Variants in SLCO1B3 observed in about 807,000 individuals in gnomAD.
SLCO1B3 encodes solute carrier organic anion transporter family member 1B3.
SLCO1B3 carries 72 observed loss-of-function variants against 71.8 expected under a neutral mutation model. The ratio of observed to expected loss-of-function variants is 1.00; its 90% CI spans 0.83 to 1.22. The LOEUF is 1.22. Ranked by LOEUF, SLCO1B3 falls within the 50% of genes most tolerant of loss-of-function variation. The probability of loss-of-function intolerance (pLI) is 0.00; values close to 1 mark genes in which losing one functional copy is unlikely to be tolerated. For missense variants in SLCO1B3, 911 were observed against 819.7 expected, an observed-to-expected ratio of 1.11 and a Z score of -1.36; for synonymous variants, 298 against 278.4, an observed-to-expected ratio of 1.07 and a Z score of -0.70.
chr12:20,828,208 A>G (rs1231105236), intron 3 of SLCO1B3, among the ~76,000 whole-genome samples: 1 of 151,538 alleles, frequency 6.6e-6, no homozygotes, highest in Admixed American at 6.6e-5. Context: ...TTTACGGTGC[A>G]CTTGGCTACA....
chr12:20,912,392 C>T (rs1035588818), intron 15 of SLCO1B3, among the ~76,000 whole-genome samples: 4 of 150,796 alleles, frequency 2.7e-5, no homozygotes, highest in East Asian at 1.9e-4. Context: ...TGCAGCAGTA[C>T]GATGTCACTC....
At chr12:20,890,882 G>T (rs1865890068) in intron 13 of SLCO1B3, among the ~76,000 whole-genome samples, 1 of 151,994 alleles carries the variant, frequency 6.6e-6, no homozygotes, top group African/African-American at 2.4e-5. Flanking sequence ...GCACCCCTTT[G>T]GTTTGAGTCT....
At chr12:20,835,103 G>A (rs1300043363) in intron 3 of SLCO1B3, among the ~76,000 whole-genome samples, 1 of 152,182 alleles carries the variant, frequency 6.6e-6, no homozygotes, top group Non-Finnish European at 1.5e-5. Flanking sequence ...ACCTTCTGAA[G>A]CCACAGTCCA....
At chr12:20,891,317 T>C (rs919646461) in intron 13 of SLCO1B3, among the ~76,000 whole-genome samples, 4 of 152,204 alleles carry the variant, frequency 2.6e-5, no homozygotes, top group Admixed American at 2.6e-4. Context: ...GCTGGCATTT[T>C]TTTTTTTCTT....
intron 15 of SLCO1B3, among the ~76,000 whole-genome samples, chr12:20,906,047 C>T (rs1386554771): frequency 6.6e-6 from 1 of 152,156 alleles, no homozygotes; most frequent in Non-Finnish European, 1.5e-5. Flanking sequence ...TGAGAACTCA[C>T]TATCATGAGA....
intron 3 of SLCO1B3, among the ~76,000 whole-genome samples, chr12:20,851,368 G>A (rs530694182): frequency 4.6e-5 from 7 of 152,276 alleles, no homozygotes; most frequent in South Asian, 2.1e-4. Flanking sequence ...TCTGATGAGC[G>A]TGGGGTGATA....
rs11045535 is a variant in SLCO1B3 at position 20,830,176 on chromosome 12, C to T, written c.84+14354C>T. ...GATAGCTCAAGCTTGCACCTGGCGC[C>T]CGTAAGAGCCTTGTGAAAGGTTAGG... On this transcript the variant is annotated intron_variant, in intron 3 of 15. Coordinates refer to ENST00000381545, the MANE Select transcript of SLCO1B3 (RefSeq NM_019844.4). Among the ~76,000 whole-genome samples, 247 of 152,248 alleles carry T rather than the reference C, an allele frequency of 1.6e-3. 4 individuals are homozygous for T. The East Asian group carries it at 0.026, about 16-fold the overall frequency.
rs371430666 is a variant in SLCO1B3 at position 20,862,406 on chromosome 12, C to T, written c.482-6C>T. ...TTTAAAGTAAAACACTCTCTTGTCT[C>T]GATAGATTGTGTAAAGGAATCTGGG... On this transcript the variant is annotated splice_region_variant and splice_polypyrimidine_tract_variant and intron_variant, in intron 6 of 15. Transcript: ENST00000381545. 32 of 1,604,462 alleles carry T rather than the reference C, an allele frequency of 2.0e-5. No homozygotes were observed. Among genetic ancestry groups the T allele is most frequent in the African/African-American group, 6.7e-5 (5 of 74,508 alleles).
At chr12:20,848,936 C>T (rs890996079) in intron 3 of SLCO1B3, among the ~76,000 whole-genome samples, 9 of 151,854 alleles carry the variant, frequency 5.9e-5, no homozygotes, top group Non-Finnish European at 1.0e-4. Context: ...TTATCAGAAT[C>T]GATAGACTGT....
chr12:20,845,846 G>A (rs1864907635), intron 3 of SLCO1B3, among the ~76,000 whole-genome samples: 1 of 152,118 alleles, frequency 6.6e-6, no homozygotes, highest in Non-Finnish European at 1.5e-5. Flanking sequence ...TTGTGTTGCT[G>A]TCTACTGATT....
chr12:20,816,362 T>TTTCGG (rs1205241391), intron 3 of SLCO1B3, among the ~76,000 whole-genome samples: 2 of 152,162 alleles, frequency 1.3e-5, no homozygotes, highest in Non-Finnish European at 2.9e-5. Context: ...CCCATGACCC[T>TTTCGG]TTCCAGCCTC....
chr12:20,854,699 A>G (rs1035791297), intron 3 of SLCO1B3, among the ~76,000 whole-genome samples: 3 of 152,238 alleles, frequency 2.0e-5, no homozygotes, highest in African/African-American at 7.2e-5. Context: ...TCACATGGAA[A>G]TAAAGAAAAT....
At chr12:20,898,522 T>A (rs892057509) in intron 14 of SLCO1B3, 22 bp downstream of exon 14, 1 of 1,254,502 alleles carries the variant, frequency 8.0e-7, no homozygotes, top group Non-Finnish European at 1.1e-6. Context: ...ATATAGATTA[T>A]ACATTTTAAC....
At chr12:20,817,209 G>A (rs1361703787) in intron 3 of SLCO1B3, among the ~76,000 whole-genome samples, 1 of 152,114 alleles carries the variant, frequency 6.6e-6, no homozygotes, top group Non-Finnish European at 1.5e-5. Flanking sequence ...AACTAGATGT[G>A]ATCCTGTTTG....
chr12:20,882,036 T>C (rs748299604), intron 12 of SLCO1B3, among the ~76,000 whole-genome samples: 1 of 152,190 alleles, frequency 6.6e-6, no homozygotes, highest in Non-Finnish European at 1.5e-5. Flanking sequence ...CCAAAGACTA[T>C]ACTTAAAAGC....
At chr12:20,844,134 T>G (rs2121183056) in intron 3 of SLCO1B3, among the ~76,000 whole-genome samples, 1 of 152,198 alleles carries the variant, frequency 6.6e-6, no homozygotes, top group Non-Finnish European at 1.5e-5. Context: ...ATATAAGTTG[T>G]GTGTATATAT....
At position 20,875,247 on chromosome 12, in the gene SLCO1B3, T is replaced by A. The variant is rs764151105; in HGVS notation, c.740T>A (p.Ile247Lys). The change falls in exon 9 of 16, where the codon ATA becomes AAA. Residue 247 changes from isoleucine (I) to lysine (K), a missense_variant. Transcript: ENST00000381545. ...CTGTTTCTCCTAGGCACTATCAGAA[T>A]AACTCCTAAGGACTCTCGTTGGGTT... ...IGYVDLSTIR[I>K]TPKDSRWVGA... The A allele has an allele frequency of 8.1e-5, 130 of 1,612,220 alleles. No homozygotes were observed. The highest frequency in any genetic ancestry group is 6.2e-4 in the Admixed American group (37 of 59,514).
At chr12:20,816,841 C>T (rs1864203442) in intron 3 of SLCO1B3, among the ~76,000 whole-genome samples, 1 of 152,160 alleles carries the variant, frequency 6.6e-6, no homozygotes, top group Non-Finnish European at 1.5e-5. Context: ...TCCTTTTACT[C>T]CACAACCTCA....
chr12:20,844,445 G>A (rs879397964), intron 3 of SLCO1B3, among the ~76,000 whole-genome samples: 1 of 151,644 alleles, frequency 6.6e-6, no homozygotes, highest in Non-Finnish European at 1.5e-5. Context: ...ATATACCCCT[G>A]TAGTACCAGT....
Sources: gnomAD v4.1 joint callset for allele counts (sites outside exome capture counted in the v4.1 genomes callset) on GRCh38, gnomAD v4.1.1 for gene constraint, MANE v1.5 for transcripts, NCBI Gene and HGNC (gene_info 2026-07-23, HGNC 2026-07-21) for gene names.